PRR16: variants seen among roughly 807,000 people sequenced by gnomAD.
The protein encoded by PRR16 is proline rich 16.
In PRR16, 6 loss-of-function variants were observed where a neutral mutation model predicts 18.2. The observed-to-expected ratio is 0.33, with a 90% CI of 0.18 to 0.65. The LOEUF (loss-of-function observed/expected upper bound fraction) is 0.65, where lower values mean the gene tolerates loss of function less well. Ranked by LOEUF, PRR16 falls within the 30% of genes least tolerant of loss-of-function variation. PRR16 has a pLI of 0.74. For missense variants in PRR16, 412 were observed against 376.6 expected (o/e 1.09, Z -0.78); for synonymous variants, 151 against 147.8 (o/e 1.02, Z -0.16).
intron 1 of PRR16, among the ~76,000 whole-genome samples, chr5:120,612,584 C>T (rs920474084): frequency 4.6e-5 from 7 of 152,098 alleles, no homozygotes; most frequent in Admixed American, 1.3e-4. Flanking sequence ...TTTTCTCTTG[C>T]CACCACCATG....
rs1240852895 is a variant in PRR16 at position 120,686,083 on chromosome 5, G to A, written c.289G>A (p.Val97Met). Residue 97 changes from valine to methionine, a missense_variant, in exon 2 of 2, where the codon GTG (valine) becomes ATG (methionine). Physicochemically the swap from Val to Met is conservative, Grantham distance 21. Transcript: ENST00000407149. Reference protein sequence around the residue: ...TTASSLEKIKVQANAPLIKPP... With the variant: ...TTASSLEKIKMQANAPLIKPP... ...AGCCTCCAGCCTAGAGAAGATCAAA[G>A]TGCAGGCTAATGCACCGCTTATTAA... The A allele has an allele frequency of 6.2e-7, 1 of 1,613,996 alleles. No homozygotes were observed. Among genetic ancestry groups the A allele is most frequent in the African/African-American group, 1.3e-5 (1 of 74,894 alleles).
At chr5:120,498,839 G>T (rs1460872392) in intron 1 of PRR16, among the ~76,000 whole-genome samples, 1 of 151,848 alleles carries the variant, frequency 6.6e-6, no homozygotes, top group Non-Finnish European at 1.5e-5. Flanking sequence ...TTTAAAAATG[G>T]TATGGCATTT....
Position 120,543,393 on chromosome 5 carries a change from A to G in PRR16, c.159+78748A>G, listed in dbSNP as rs76086132. 2.1e-3 allele frequency among the ~76,000 whole-genome samples: 324 copies of G among 152,248 alleles called. 1 individual carries two copies. Among genetic ancestry groups the G allele is most frequent in the Middle Eastern group, 3.4e-3 (1 of 294 alleles). On this transcript the variant is annotated intron_variant, in intron 1 of 1. Transcript: ENST00000407149. ...TGGTGTTGACTTTTATCTGGGGACCATTATGTCAAATTATATTATGGAAAC... is the reference window on the plus strand; with the variant it reads ...TGGTGTTGACTTTTATCTGGGGACCGTTATGTCAAATTATATTATGGAAAC...
chr5:120,582,624 A>C (rs1160793489), intron 1 of PRR16, among the ~76,000 whole-genome samples: 1 of 152,226 alleles, frequency 6.6e-6, no homozygotes, highest in African/African-American at 2.4e-5. Flanking sequence ...GGACTTTAAA[A>C]ACAATCTGGA....
chr5:120,465,211 G>A (rs1749036979), intron 1 of PRR16, among the ~76,000 whole-genome samples: 1 of 152,172 alleles, frequency 6.6e-6, no homozygotes, highest in African/African-American at 2.4e-5. Flanking sequence ...TGGCAGCCTT[G>A]GGGCTAAGGA....
intron 1 of PRR16, among the ~76,000 whole-genome samples, chr5:120,538,052 A>C (rs1255441258): frequency 2.0e-5 from 3 of 152,166 alleles, no homozygotes; most frequent in Admixed American, 2.0e-4. Context: ...CTGGGATTAC[A>C]GGCGTGAGCC....
chr5:120,705,223 T>C, the PRR16 span, among the ~76,000 whole-genome samples: 1 of 152,128 alleles, frequency 6.6e-6, no homozygotes, highest in East Asian at 1.9e-4. Flanking sequence ...TATAATGTTA[T>C]GTTAATTATA....
intron 1 of PRR16, among the ~76,000 whole-genome samples, chr5:120,515,123 A>T (rs73786232): frequency 0.025 from 3,800 of 152,298 alleles, 121 homozygotes; most frequent in African/African-American, 0.074. Flanking sequence ...TCTGGTGACA[A>T]CTTTCTTGCT....
At chr5:120,484,688 C>T (rs950602405) in intron 1 of PRR16, among the ~76,000 whole-genome samples, 1 of 147,280 alleles carries the variant, frequency 6.8e-6, no homozygotes, top group Non-Finnish European at 1.5e-5. Context: ...AAACTGGAAC[C>T]TTCAGAAACA....
intron 1 of PRR16, among the ~76,000 whole-genome samples, chr5:120,503,169 A>G (rs1750523700): frequency 6.6e-6 from 1 of 152,156 alleles, no homozygotes. Flanking sequence ...ATTTTTGTAA[A>G]TATCATTAAA....
At chr5:120,559,314 A>AT (rs1357009899) in intron 1 of PRR16, among the ~76,000 whole-genome samples, 2 of 151,726 alleles carry the variant, frequency 1.3e-5, no homozygotes, top group Non-Finnish European at 2.9e-5. Context: ...TTTTGATTGG[A>AT]TTTTTGTATG....
intron 1 of PRR16, among the ~76,000 whole-genome samples, chr5:120,487,369 T>C (rs1641765176): frequency 6.6e-6 from 1 of 152,194 alleles, no homozygotes. Context: ...TCACATCCCT[T>C]GTAAGTTGGA....
the PRR16 span, among the ~76,000 whole-genome samples, chr5:120,692,510 G>C: frequency 6.6e-6 from 1 of 152,134 alleles, no homozygotes; most frequent in Non-Finnish European, 1.5e-5. Flanking sequence ...TTGGTGCTTT[G>C]ACGCCCTTGC....
chr5:120,726,925 T>C, the PRR16 span, among the ~76,000 whole-genome samples: 1,765 of 152,192 alleles, frequency 0.012, 36 homozygotes, highest in African/African-American at 0.039. Context: ...AGTAGCAAAA[T>C]GTTTTTCTGG....
At chr5:120,641,233 G>A (rs75884847) in intron 1 of PRR16, among the ~76,000 whole-genome samples, 112 of 152,136 alleles carry the variant, frequency 7.4e-4, no homozygotes, top group African/African-American at 2.5e-3. Flanking sequence ...GCTTATTGAA[G>A]ATTATGTGTC....
At chr5:120,565,271 T>C (rs181533799) in intron 1 of PRR16, among the ~76,000 whole-genome samples, 1 of 152,314 alleles carries the variant, frequency 6.6e-6, no homozygotes, top group East Asian at 1.9e-4. Context: ...AGCTGAACTT[T>C]TCAATTTCTT....
chr5:120,530,286 T>G (rs1751509237), intron 1 of PRR16, among the ~76,000 whole-genome samples: 1 of 88,364 alleles, frequency 1.1e-5, no homozygotes, highest in Admixed American at 1.1e-4. Flanking sequence ...TATATATATT[T>G]ATTTATTTAT....
intron 1 of PRR16, among the ~76,000 whole-genome samples, chr5:120,640,139 G>A (rs1377943451): frequency 6.6e-6 from 1 of 152,006 alleles, no homozygotes; most frequent in African/African-American, 2.4e-5. Context: ...AACTACTAGA[G>A]GGGGTAGGGT....
At chr5:120,608,696 T>G (rs1754235077) in intron 1 of PRR16, among the ~76,000 whole-genome samples, 1 of 152,214 alleles carries the variant, frequency 6.6e-6, no homozygotes, top group Non-Finnish European at 1.5e-5. Context: ...GAATTATTTT[T>G]CTTTTAAAAA....
Sources: gnomAD v4.1 joint callset for allele counts (sites outside exome capture counted in the v4.1 genomes callset) on GRCh38, gnomAD v4.1.1 for gene constraint, MANE v1.5 for transcripts, NCBI Gene and HGNC (gene_info 2026-07-23, HGNC 2026-07-21) for gene names.